FBXO36: variants seen among roughly 807,000 people sequenced by gnomAD.
The protein encoded by FBXO36 is F-box protein 36, also known as F-box only protein 36.
A neutral mutation model predicts 17.0 loss-of-function variants in FBXO36; 18 were observed. That is an observed-to-expected ratio of 1.06 (90% CI 0.73 to 1.57). FBXO36 has a LOEUF of 1.57. FBXO36 is among the 40% of genes most tolerant of loss of function. The pLI is 0.00. For missense variants in FBXO36, 229 were observed against 221.9 expected (o/e 1.03, Z -0.20); for synonymous variants, 83 against 85.3 (o/e 0.97, Z 0.15).
chr2:229,925,920 T>G (rs1197358659), intron 1 of FBXO36, among the ~76,000 whole-genome samples: 1 of 152,024 alleles, frequency 6.6e-6, no homozygotes, highest in African/African-American at 2.4e-5. Context: ...TGGGGTCAGT[T>G]TAGTTTCTCG....
intron 3 of FBXO36, among the ~76,000 whole-genome samples, chr2:229,999,035 G>T (rs570304076): frequency 1.3e-5 from 2 of 151,056 alleles, no homozygotes; most frequent in African/African-American, 4.9e-5. Context: ...ATCTCCTGAC[G>T]TTGTGATCTG....
chr2:229,947,476 A>G (rs1221099152), intron 1 of FBXO36, among the ~76,000 whole-genome samples: 3 of 152,184 alleles, frequency 2.0e-5, no homozygotes, highest in East Asian at 1.9e-4. Flanking sequence ...TTGGCCTTCT[A>G]TGCCACCCCA....
intron 2 of FBXO36, among the ~76,000 whole-genome samples, chr2:229,986,301 G>A (rs999519309): frequency 1.3e-5 from 2 of 152,146 alleles, no homozygotes; most frequent in Admixed American, 6.5e-5. Flanking sequence ...AGCAGTTCAC[G>A]ACCAGTCTGG....
intron 3 of FBXO36, among the ~76,000 whole-genome samples, chr2:229,998,107 C>G (rs2077336974): frequency 6.6e-6 from 1 of 152,164 alleles, no homozygotes; most frequent in Non-Finnish European, 1.5e-5. Context: ...CAAGATGATT[C>G]AAATCATAAT....
At chr2:229,976,019 T>C (rs77220873) in intron 1 of FBXO36, among the ~76,000 whole-genome samples, 1,766 of 152,232 alleles carry the variant, frequency 0.012, 15 homozygotes, top group Non-Finnish European at 0.016. Flanking sequence ...ACCTGATCGA[T>C]TTTAAAAGTT....
chr2:229,926,836 G>C (rs943820023), intron 1 of FBXO36, among the ~76,000 whole-genome samples: 1 of 151,846 alleles, frequency 6.6e-6, no homozygotes, highest in East Asian at 1.9e-4. Flanking sequence ...GATTAATAAA[G>C]TGTTAGGGGT....
intron 1 of FBXO36, among the ~76,000 whole-genome samples, chr2:229,924,196 G>C (rs975180076): frequency 2.6e-5 from 4 of 152,082 alleles, no homozygotes; most frequent in Non-Finnish European, 4.4e-5. Flanking sequence ...GGGTTCAAGC[G>C]ATTCTCCTGC....
At chr2:229,938,483 C>CTTTT (rs111952762) in intron 1 of FBXO36, among the ~76,000 whole-genome samples, 3 of 93,954 alleles carry the variant, frequency 3.2e-5, no homozygotes, top group Admixed American at 1.2e-4. Context: ...ATACAACTTT[C>CTTTT]TTTTTTTTTT....
chr2:229,929,230 G>A (rs943015747), intron 1 of FBXO36, among the ~76,000 whole-genome samples: 4 of 150,916 alleles, frequency 2.7e-5, no homozygotes, highest in Admixed American at 2.0e-4. Flanking sequence ...CACTGCACCC[G>A]GCCTCTTTTT....
intron 1 of FBXO36, among the ~76,000 whole-genome samples, chr2:229,935,614 T>C (rs1470866649): frequency 6.6e-6 from 1 of 152,186 alleles, no homozygotes; most frequent in Non-Finnish European, 1.5e-5. Context: ...TGGTATTTGA[T>C]AAGGAGATAA....
intron 1 of FBXO36, among the ~76,000 whole-genome samples, chr2:229,928,654 C>T (rs1016942158): frequency 5.9e-5 from 9 of 152,180 alleles, no homozygotes; most frequent in African/African-American, 2.2e-4. Context: ...TCCCAAACTC[C>T]TGCTGTTTTT....
intron 1 of FBXO36, 84 bp downstream of exon 1, chr2:229,922,693 A>G: frequency 7.0e-7 from 1 of 1,436,108 alleles, no homozygotes; most frequent in Non-Finnish European, 9.6e-7. Flanking sequence ...TGCTAGGCCA[A>G]GAGCAACCGT....
intron 1 of FBXO36, among the ~76,000 whole-genome samples, chr2:229,964,320 A>G (rs922991768): frequency 2.6e-5 from 4 of 152,182 alleles, no homozygotes; most frequent in African/African-American, 9.7e-5. Context: ...CATCAACCTG[A>G]AATTGTCCTC....
intron 2 of FBXO36, among the ~76,000 whole-genome samples, chr2:229,992,413 C>G (rs936557526): frequency 2.0e-5 from 3 of 152,158 alleles, no homozygotes; most frequent in African/African-American, 7.2e-5. Flanking sequence ...CTGCCTTGGC[C>G]TCCCAAAGTG....
chr2:229,939,337 C>G (rs1475990545), intron 1 of FBXO36: 1 of 844,778 alleles, frequency 1.2e-6, no homozygotes, highest in Non-Finnish European at 1.4e-6. Context: ...AAGGTCCTCT[C>G]GTCCCAAGAT....
chr2:229,944,567 C>T (rs1276215558), intron 1 of FBXO36, among the ~76,000 whole-genome samples: 1 of 149,312 alleles, frequency 6.7e-6, no homozygotes, highest in African/African-American at 2.5e-5. Context: ...TAGTGGCTAG[C>T]AAAACTGGTA....
At chr2:229,944,056 C>G (rs114982378) in intron 1 of FBXO36, among the ~76,000 whole-genome samples, 2,562 of 152,288 alleles carry the variant, frequency 0.017, 68 homozygotes, top group African/African-American at 0.059. Context: ...CCTTCACCTT[C>G]CATCATGATT....
chr2:229,989,783 C>T (rs2077289204), intron 2 of FBXO36, among the ~76,000 whole-genome samples: 1 of 148,358 alleles, frequency 6.7e-6, no homozygotes, highest in Admixed American at 6.8e-5. Flanking sequence ...CCATCTTGGC[C>T]AGGCTGGTCT....
At chr2:229,984,910 A>C (rs1271277941) in intron 2 of FBXO36, among the ~76,000 whole-genome samples, 1 of 152,178 alleles carries the variant, frequency 6.6e-6, no homozygotes, top group Non-Finnish European at 1.5e-5. Flanking sequence ...CACTTACATG[A>C]GAATGTCAGT....
Sources: gnomAD v4.1 joint callset for allele counts (sites outside exome capture counted in the v4.1 genomes callset) on GRCh38, gnomAD v4.1.1 for gene constraint, MANE v1.5 for transcripts, NCBI Gene and HGNC (gene_info 2026-07-23, HGNC 2026-07-21) for gene names.